The following RABGGTA variants were observed in gnomAD, a reference collection of about 807,000 sequenced individuals.
The protein encoded by RABGGTA is Rab geranylgeranyltransferase subunit alpha.
Under a neutral mutation model 83.3 loss-of-function variants are expected in RABGGTA, and 69 were observed. The observed-to-expected ratio is 0.83, with a 90% CI of 0.68 to 1.01. The LOEUF is 1.01. Ranked by LOEUF, RABGGTA falls within the 50% of genes least tolerant of loss-of-function variation. The pLI is 0.00. For missense variants in RABGGTA, 681 were observed against 712.7 expected (o/e 0.96, Z 0.51); for synonymous variants, 310 against 299.8 (o/e 1.03, Z -0.35).
chr14:24,271,127 A>C lies in RABGGTA; in HGVS notation c.-12T>G. 6.5e-7 allele frequency: 1 copy of C among 1,543,742 alleles called. No individual in the cohort carries two copies. Among genetic ancestry groups the C allele is most frequent in the Non-Finnish European group, 8.7e-7 (1 of 1,145,890 alleles). On this transcript the variant is annotated 5_prime_UTR_variant, in exon 2 of 17. Coordinates refer to ENST00000216840, the MANE Select transcript of RABGGTA (RefSeq NM_182836.3). ...AGGGTTCTCACCATGGTGCCGGCTC[A>C]GGGTTCAAGACAGGGGAAGGGTCCA... is the stretch of plus-strand genomic sequence containing the variant.
In RABGGTA at chr14:24,269,607, G is replaced by T. The variant is rs766905922; in HGVS notation, c.515C>A (p.Thr172Asn). ...GGAAGAGTAGTTGGAGAAGTTTCGG[G>T]TGATGAGGCTGTCAGTGAAGGCTAG... ...EELAFTDSLI[T>N]RNFSNYSSWH... The change falls in exon 6 of 17, where the codon ACC (threonine) becomes AAC (asparagine). Residue 172 changes from threonine (T) to asparagine (N), a missense_variant. Transcript: ENST00000216840. The T allele has an allele frequency of 1.2e-5, 20 of 1,613,808 alleles. No homozygotes were observed. The highest frequency in any genetic ancestry group is 1.5e-5 in the Non-Finnish European group (18 of 1,179,788).
At chr14:24,266,312 G>A (rs2040872458) in intron 16 of RABGGTA, 118 bp downstream of exon 16, 4 of 911,550 alleles carry the variant, frequency 4.4e-6, no homozygotes, top group Non-Finnish European at 7.1e-6. Flanking sequence ...TCACACTACA[G>A]AGCCCCCTCT....
Position 24,271,152 on chromosome 14 carries a change from A to G in RABGGTA, c.-37T>C. 2.0e-6 allele frequency: 3 copies of G among 1,519,972 alleles called. No homozygotes were observed. In the South Asian group the frequency reaches 4.0e-5, roughly 20 times the overall value. The allele number at this position is 1,519,972 out of a possible 1,614,324, so 94.2% of individuals were successfully genotyped here. ...AGGGTTCAAGACAGGGGAAGGGTCC[A>G]GTGGTAGCCCTTGAAGTCTGAGGAG... is the stretch of plus-strand genomic sequence containing the variant. On this transcript the variant is annotated 5_prime_UTR_variant, in exon 2 of 17. Coordinates refer to ENST00000216840, the MANE Select transcript of RABGGTA (RefSeq NM_182836.3).
Position 24,267,645 on chromosome 14 carries a change from C to T in RABGGTA, c.1353+15G>A. 1 of 1,598,758 alleles carries T rather than the reference C, an allele frequency of 6.3e-7. No individual in the cohort carries two copies. Among genetic ancestry groups the T allele is most frequent in the Non-Finnish European group, 8.5e-7 (1 of 1,171,522 alleles). On this transcript the variant is annotated intron_variant, in intron 14 of 16. Transcript: ENST00000216840. ...GGGATGAGGGCCAGGGGAAGGCATG[C>T]ATGGCAGCCCATACCTTGTGAGCCA... is the stretch of plus-strand genomic sequence containing the variant.
chr14:24,266,469 T>C lies in RABGGTA; in HGVS notation c.1516A>G (p.Asn506Asp). The C allele has an allele frequency of 6.2e-7, 1 of 1,613,974 alleles. No individual in the cohort carries two copies. Among genetic ancestry groups the C allele is most frequent in the Non-Finnish European group, 8.5e-7 (1 of 1,179,888 alleles). The change falls in exon 16 of 17, where the codon AAC (asparagine) becomes GAC (aspartate). Residue 506 changes from asparagine to aspartate, a missense_variant. Asn to Asp is a conservative substitution (Grantham distance 23). Around this residue, in one of 5 missense-constraint regions of RABGGTA, gnomAD observed 421 missense variants for 418.5 expected, o/e 1.01. Coordinates refer to ENST00000216840, the MANE Select transcript of RABGGTA (RefSeq NM_182836.3). ...NAIESLDGVT[N>D]LPRLQELLLC... ...AGCAGCTCCTGCAGCCGGGGTAGGTTGGTGACGCCGTCCAGGGACTCTATG... is the reference window on the plus strand; with the variant it reads ...AGCAGCTCCTGCAGCCGGGGTAGGTCGGTGACGCCGTCCAGGGACTCTATG...
chr14:24,270,826 G>A lies in RABGGTA; in HGVS notation c.114+11C>T, dbSNP rs1594584473. ...GCTACTTGGGGTCGGGGCTACCTCTGAGGGCCCCACCTTCTGGAATACGGC... is the reference window on the plus strand; with the variant it reads ...GCTACTTGGGGTCGGGGCTACCTCTAAGGGCCCCACCTTCTGGAATACGGC... On this transcript the variant is annotated intron_variant, in intron 3 of 16. Transcript: ENST00000216840. The A allele has an allele frequency of 6.2e-7, 1 of 1,612,608 alleles. No individual in the cohort carries two copies. The highest frequency in any genetic ancestry group is 8.5e-7 in the Non-Finnish European group (1 of 1,179,278).
Position 24,269,630 on chromosome 14 carries a change from T to C in RABGGTA, c.492A>G (p.Leu164=), listed in dbSNP as rs1183054971. 6.8e-6 allele frequency: 11 copies of C among 1,613,866 alleles called. No homozygotes were observed. The East Asian group carries it at 2.5e-4, about 36-fold the overall frequency. ...GGGTGATGAGGCTGTCAGTGAAGGC[T>C]AGCTCTTCTGCAGGGGGCACGGCTG... ...TQAAVPPAEE[L]AFTDSLITRN... is the part of the protein sequence containing the mutation. The change falls in exon 6 of 17, where the codon CTA becomes CTG. Residue 164 remains leucine (L), a synonymous_variant. Transcript: ENST00000216840.
chr14:24,268,023 G>A, intron 12 of RABGGTA, 65 bp from the exon 13 acceptor site: 1 of 1,600,412 alleles, frequency 6.2e-7, no homozygotes. Flanking sequence ...TCCTCCTGAG[G>A]CCTTCCTGCT....
At position 24,270,316 on chromosome 14, in the gene RABGGTA, T is replaced by G; in HGVS notation, c.239+18A>C. 1 of 1,612,702 alleles carries G rather than the reference T, an allele frequency of 6.2e-7. No individual in the cohort carries two copies. The highest frequency in any genetic ancestry group is 8.5e-7 in the Non-Finnish European group (1 of 1,179,164). ...GCAGGGCCAGGGCAGTCTTCTGAGA[T>G]CCTGAATCCCTACGCACTTCTGAGT... On this transcript the variant is annotated intron_variant, in intron 4 of 16. Coordinates refer to ENST00000216840, the MANE Select transcript of RABGGTA (RefSeq NM_182836.3).
In RABGGTA at chr14:24,268,753, T is replaced by C; in HGVS notation, c.872A>G (p.Asp291Gly). The C allele has an allele frequency of 6.3e-7, 1 of 1,584,628 alleles. No homozygotes were observed. Among genetic ancestry groups the C allele is most frequent in the Non-Finnish European group, 8.6e-7 (1 of 1,165,694 alleles). The change falls in exon 9 of 17, where the codon GAT becomes GGT. Residue 291 changes from aspartate (D) to glycine (G), a missense_variant. By Grantham distance (94) the Asp-to-Gly change is moderately conservative. Coordinates refer to ENST00000216840, the MANE Select transcript of RABGGTA (RefSeq NM_182836.3). Reference protein sequence around the residue: ...SPLIVEWRTPDGRNRPSHVWL... With the variant: ...SPLIVEWRTPGGRNRPSHVWL... ...GACATGGCTGGGCCGGTTCCTGCCA[T>C]CTGGGGTCCTCCACTCCACAATCAG...
At chr14:24,265,846 T>C (rs1478370469) in intron 16 of RABGGTA, 83 bp from the exon 17 acceptor site, 1 of 1,473,256 alleles carries the variant, frequency 6.8e-7, no homozygotes, top group East Asian at 2.5e-5. Context: ...TGGGGACTGC[T>C]GCCTGGAAGT....
At chr14:24,271,270 G>A (rs1198936451) in intron 1 of RABGGTA, 101 bp from the exon 2 acceptor site, 32 of 975,834 alleles carry the variant, frequency 3.3e-5, no homozygotes, top group Non-Finnish European at 4.7e-5. Context: ...CCCCCAGAGT[G>A]TAAAGAGGTC....
intron 2 of RABGGTA, 64 bp downstream of exon 2, chr14:24,271,049 G>A: frequency 1.3e-6 from 2 of 1,583,796 alleles, no homozygotes; most frequent in South Asian, 2.3e-5. Flanking sequence ...GGCAACCATG[G>A]CACTGCCACT....
intron 15 of RABGGTA, 122 bp from the exon 16 acceptor site, chr14:24,266,639 G>T: frequency 8.2e-7 from 1 of 1,225,556 alleles, no homozygotes; most frequent in Non-Finnish European, 1.2e-6. Flanking sequence ...CAGGCTGCGT[G>T]ATGGAGGTGG....
chr14:24,270,863 A>G lies in RABGGTA; in HGVS notation c.88T>C (p.Ser30Pro), dbSNP rs747291085. The G allele has an allele frequency of 2.5e-6, 4 of 1,613,942 alleles. No homozygotes were observed. Among genetic ancestry groups the G allele is most frequent in the African/African-American group, 1.3e-5 (1 of 75,054 alleles). The stretch of plus-strand genomic sequence containing the variant: ...TTCTGGAATACGGCCTGGGTGGCTG[A>G]CTGGTATAGCTTCAGCTTCTGCTCT... ...EREQKLKLYQSATQAVFQKRQ... is the reference protein window; with the variant it reads ...EREQKLKLYQPATQAVFQKRQ... Residue 30 changes from serine (S) to proline (P), a missense_variant, in exon 3 of 17, where the codon TCA (serine) becomes CCA (proline). Ser to Pro is a moderately conservative substitution (Grantham distance 74). Around this residue, in one of 5 missense-constraint regions of RABGGTA, gnomAD observed 115 missense variants for 111.5 expected, o/e 1.03. Transcript: ENST00000216840.
At chr14:24,271,045 C>A in intron 2 of RABGGTA, 68 bp downstream of exon 2, 1 of 1,584,730 alleles carries the variant, frequency 6.3e-7, no homozygotes, top group Non-Finnish European at 8.6e-7. Context: ...ACGGGGCAAC[C>A]ATGGCACTGC....
In RABGGTA at chr14:24,269,090, G is replaced by T. The variant is rs371780561; in HGVS notation, c.705C>A (p.Leu235=). The T allele has an allele frequency of 1.1e-5, 17 of 1,609,240 alleles. No homozygotes were observed. Among genetic ancestry groups the T allele is most frequent in the East Asian group, 6.7e-5 (3 of 44,780 alleles). ...DQSAWFYHRW[L]LGRADPQDAL... Reference sequence around the variant, plus strand: ...TTCCTCATTGCTCACCTCGGCCTAGGAGCCAACGGTGATAAAACCAGGCAC... The same window carrying T: ...TTCCTCATTGCTCACCTCGGCCTAGTAGCCAACGGTGATAAAACCAGGCAC... The change falls in exon 7 of 17, where the codon CTC becomes CTA. Residue 235 remains leucine, a synonymous_variant. Transcript: ENST00000216840.
At position 24,265,670 on chromosome 14, in the gene RABGGTA, C is replaced by T. The variant is rs750568294; in HGVS notation, c.1649G>A (p.Gly550Asp). The T allele has an allele frequency of 3.7e-6, 6 of 1,613,572 alleles. No homozygotes were observed. The highest frequency in any genetic ancestry group is 5.1e-6 in the Non-Finnish European group (6 of 1,179,754). Residue 550 changes from glycine to aspartate, a missense_variant, in exon 17 of 17, where the codon GGC becomes GAC. Around this residue, in one of 5 missense-constraint regions of RABGGTA, gnomAD observed 421 missense variants for 418.5 expected, o/e 1.01. Coordinates refer to ENST00000216840, the MANE Select transcript of RABGGTA (RefSeq NM_182836.3). ...LQGNPLCQAV[G>D]ILEQLAELLP... Reference sequence around the variant, plus strand: ...CAGTTCAGCCAGTTGCTCCAAGATGCCCACCGCTTGGCACAGCGGGTTACC... The same window carrying T: ...CAGTTCAGCCAGTTGCTCCAAGATGTCCACCGCTTGGCACAGCGGGTTACC...
rs2040926659 is a variant in RABGGTA, at chr14:24,270,056, A to C, written c.324T>G (p.Gly108=). Residue 108 remains glycine, a synonymous_variant, in exon 5 of 17, where the codon GGT becomes GGG. Transcript: ENST00000216840. ...SCLRVNPKSY[G]TWHHRCWLLG... ...GCAGCCAGCATCGGTGGTGCCAGGTACCATAAGACTTGGGGTTCACCCGCA... is the reference window on the plus strand; with the variant it reads ...GCAGCCAGCATCGGTGGTGCCAGGTCCCATAAGACTTGGGGTTCACCCGCA... 6.2e-7 allele frequency: 1 copy of C among 1,612,560 alleles called. No homozygotes were observed. Among genetic ancestry groups the C allele is most frequent in the South Asian group, 1.1e-5 (1 of 90,834 alleles).
Sources: allele counts gnomAD v4.1 joint callset, GRCh38; gene constraint gnomAD v4.1.1; regional missense constraint gnomAD v4.1.1; transcripts MANE v1.5; gene names NCBI Gene and HGNC (gene_info 2026-07-23, HGNC 2026-07-21).